Variants in SNED1 observed in about 807,000 individuals in gnomAD.
The protein encoded by SNED1 is sushi, nidogen and EGF like domains 1.
A neutral mutation model predicts 166.7 loss-of-function variants in SNED1; 81 were observed. The ratio of observed to expected loss-of-function variants is 0.49; its 90% CI spans 0.41 to 0.58. The LOEUF is 0.58. Ranked by LOEUF, SNED1 falls within the 20% of genes least tolerant of loss-of-function variation. The pLI, the probability that SNED1 is intolerant of heterozygous loss-of-function variation, is 0.00. For missense variants in SNED1, 1,604 were observed against 2,000.2 expected (o/e 0.80, Z 3.78); for synonymous variants, 762 against 822.0 (o/e 0.93, Z 1.25).
intron 1 of SNED1, among the ~76,000 whole-genome samples, chr2:241,014,448 C>T (rs1192857538): frequency 1.3e-5 from 2 of 152,158 alleles, no homozygotes; most frequent in Admixed American, 1.3e-4. Flanking sequence ...ACACCCCGGC[C>T]GACGCTTCTG....
intron 1 of SNED1, among the ~76,000 whole-genome samples, chr2:241,029,562 A>G (rs4234102): frequency 0.65 from 98,563 of 152,194 alleles, 32,895 homozygotes; most frequent in African/African-American, 0.82. Flanking sequence ...AAACATTCCA[A>G]CCATAGCCCC....
intron 27 of SNED1, among the ~76,000 whole-genome samples, chr2:241,081,395 C>G (rs2063321052): frequency 6.6e-6 from 1 of 152,172 alleles, no homozygotes; most frequent in Non-Finnish European, 1.5e-5. Flanking sequence ...CCCTCTCCCT[C>G]CTCCTTCTCC....
intron 2 of SNED1, among the ~76,000 whole-genome samples, chr2:241,031,851 C>T (rs894430692): frequency 2.0e-5 from 3 of 152,226 alleles, no homozygotes; most frequent in Non-Finnish European, 2.9e-5. Flanking sequence ...TATGATCACC[C>T]ATCTTTCTCA....
At chr2:241,036,051 G>GGCGC (rs2061353655) in intron 4 of SNED1, among the ~76,000 whole-genome samples, 1 of 22,372 alleles carries the variant, frequency 4.5e-5, no homozygotes, top group African/African-American at 4.9e-4. Context: ...GGGGGGTGGA[G>GGCGC]GTGCGTCACA....
At chr2:241,072,353 T>C (rs1487851102) in intron 26 of SNED1, 1 of 379,540 alleles carries the variant, frequency 2.6e-6, no homozygotes, top group Non-Finnish European at 5.2e-6. Context: ...CTTGGGCCCT[T>C]CCCACCGGGT....
rs1295014448 is a variant in SNED1, at chr2:241,073,052, G to C, written c.3818-214G>C. 7 of 554,870 alleles carry C rather than the reference G, an allele frequency of 1.3e-5. No homozygotes were observed. The highest frequency in any genetic ancestry group is 6.1e-5 in the Admixed American group (2 of 32,592). 34.4% of individuals were successfully genotyped at this position (554,870 alleles called of 1,614,324 possible). On this transcript the variant is annotated intron_variant, in intron 26 of 31. Transcript: ENST00000310397. This position sits in a 1 kb window ranked among gnomAD's most constrained non-coding sequence, Gnocchi z 6.6. Reference sequence around the variant, plus strand: ...TCTGAGGGGGCCCTGCAAGGGGAAGGCCGAGCCCCTCCAGAGGGTCAGCAG... The same window carrying C: ...TCTGAGGGGGCCCTGCAAGGGGAAGCCCGAGCCCCTCCAGAGGGTCAGCAG...
chr2:241,037,379 G>GT, intron 6 of SNED1, 26 bp downstream of exon 6: 1 of 1,489,774 alleles, frequency 6.7e-7, no homozygotes, highest in Non-Finnish European at 9.2e-7. Context: ...CGGGGCCCAC[G>GT]GGGCCCTGCT....
At chr2:241,045,966 ACAAACAACC>A (rs2061633889) in intron 8 of SNED1, among the ~76,000 whole-genome samples, 1 of 152,146 alleles carries the variant, frequency 6.6e-6, no homozygotes, top group Non-Finnish European at 1.5e-5. Flanking sequence ...CTGTGAGAAA[ACAAACAACC>A]CAATTTTAAA....
intron 27 of SNED1, among the ~76,000 whole-genome samples, 190 bp from the exon 28 acceptor site, chr2:241,081,487 G>A (rs563656320): frequency 6.6e-6 from 1 of 152,284 alleles, no homozygotes. Context: ...CCTCACCTCT[G>A]CTCTCTCTCA....
At chr2:241,019,434 G>C (rs950170697) in intron 1 of SNED1, among the ~76,000 whole-genome samples, 1 of 152,224 alleles carries the variant, frequency 6.6e-6, no homozygotes, top group Non-Finnish European at 1.5e-5. Flanking sequence ...AGGCTAATTG[G>C]ACTGGAACAG....
intron 1 of SNED1, among the ~76,000 whole-genome samples, chr2:241,029,781 C>T (rs1230879290): frequency 6.6e-6 from 1 of 152,266 alleles, no homozygotes; most frequent in African/African-American, 2.4e-5. Flanking sequence ...CCTCCCCGGC[C>T]ATGCTGGCCC....
At chr2:241,047,161 A>G (rs1201498168) in intron 8 of SNED1, among the ~76,000 whole-genome samples, 1 of 107,704 alleles carries the variant, frequency 9.3e-6, no homozygotes, top group Admixed American at 9.9e-5. Context: ...AAAAAAAAAA[A>G]AAAAAAAAGT....
chr2:241,044,313 T>C (rs1373441328), intron 8 of SNED1, among the ~76,000 whole-genome samples: 1 of 152,100 alleles, frequency 6.6e-6, no homozygotes, highest in East Asian at 1.9e-4. Context: ...AAGAACCCAC[T>C]CTAAGTATAA....
intron 27 of SNED1, among the ~76,000 whole-genome samples, chr2:241,078,382 C>CAAA (rs60965517): frequency 1.6e-4 from 19 of 116,174 alleles, no homozygotes; most frequent in African/African-American, 5.1e-4. Context: ...GACTCCGTCT[C>CAAA]AAAAAAAAAA....
At chr2:241,009,686 G>A (rs1163324230) in intron 1 of SNED1, among the ~76,000 whole-genome samples, 1 of 152,150 alleles carries the variant, frequency 6.6e-6, no homozygotes, top group African/African-American at 2.4e-5. Flanking sequence ...CCTGTCCGGG[G>A]GCGCTGAATG....
chr2:241,011,238 A>AGGTCTCCTG (rs1183836737), intron 1 of SNED1, among the ~76,000 whole-genome samples: 1 of 65,918 alleles, frequency 1.5e-5, no homozygotes, highest in African/African-American at 9.5e-5. Context: ...TGGGGGTTGC[A>AGGTCTCCTG]GGTCTCCTGG....
chr2:241,036,215 G>A (rs2061364446), intron 4 of SNED1, among the ~76,000 whole-genome samples: 1 of 151,868 alleles, frequency 6.6e-6, no homozygotes. Context: ...GTGGTGCCGC[G>A]ACGAAGGAGG....
intron 4 of SNED1, 24 bp from the exon 5 acceptor site, chr2:241,036,766 T>G: frequency 1.2e-6 from 2 of 1,604,242 alleles, no homozygotes; most frequent in Non-Finnish European, 1.7e-6. Flanking sequence ...CGGCTGAGGC[T>G]CCAGCCCCTC....
chr2:241,085,429 TTTAG>T lies in SNED1; in HGVS notation c.4122-1960_4122-1957del, dbSNP rs531392101. Among the ~76,000 whole-genome samples the T allele has an allele frequency of 1.7e-3, 259 of 152,346 alleles. 1 individual carries two copies. The highest frequency in any genetic ancestry group is 3.4e-3 in the Middle Eastern group (1 of 294). ...TGTTTTATCATCTCCAGAAGTTTCA[TTTAG>T]TTGTTTCTTAGATGCTCCAATTTCT... On this transcript the variant is annotated intron_variant, in intron 29 of 31. Transcript: ENST00000310397.
Sources: allele counts gnomAD v4.1 joint callset (sites outside exome capture counted in the v4.1 genomes callset), GRCh38; gene constraint gnomAD v4.1.1; non-coding constraint Gnocchi (gnomAD v3.1); transcripts MANE v1.5; gene names NCBI Gene and HGNC (gene_info 2026-07-23, HGNC 2026-07-21).